Variants in PDZD4 observed in about 807,000 individuals in gnomAD.
PDZD4 encodes PDZ domain containing 4.
A neutral mutation model predicts 38.5 loss-of-function variants in PDZD4; 9 were observed. That is an observed-to-expected ratio of 0.23 (90% CI 0.14 to 0.41). PDZD4 has a LOEUF of 0.41. PDZD4 is among the 10% of genes least tolerant of loss of function. PDZD4 has a pLI of 1.00. For missense variants in PDZD4, 612 were observed against 722.0 expected, an observed-to-expected ratio of 0.85 and a Z score of 1.75; for synonymous variants, 349 against 315.7, an observed-to-expected ratio of 1.11 and a Z score of -1.12.
Position 153,804,180 on chromosome X carries a change from C to T in PDZD4, c.1501G>A (p.Ala501Thr). Residue 501 changes from alanine (A) to threonine (T), a missense_variant, in exon 8 of 8, where the codon GCC becomes ACC. Ala to Thr is a moderately conservative substitution (Grantham distance 58, BLOSUM62 0). This residue lies in a region of PDZD4 where 300 missense variants were observed against 284.6 expected (regional missense o/e 1.05). Transcript: ENST00000393758. The stretch of plus-strand genomic sequence containing the variant: ...TTCAAGTTGGAGTTGCCGGCCATGG[C>T]CCGCCGCAGGGGGCTCTCGGGCAGG... ...EPLPESPLRRAMAGNSNLNRT... is the reference protein window; with the variant it reads ...EPLPESPLRRTMAGNSNLNRT... The T allele has an allele frequency of 8.4e-7, 1 of 1,187,400 alleles. No homozygotes were observed. Among genetic ancestry groups the T allele is most frequent in the Non-Finnish European group, 1.1e-6 (1 of 884,356 alleles).
rs782499455 is a variant in PDZD4, at chrX:153,804,192, G to C, written c.1489C>G (p.Pro497Ala). 5.9e-6 allele frequency: 7 copies of C among 1,196,316 alleles called. No individual in the cohort carries two copies. In the East Asian group the frequency reaches 2.1e-4, roughly 36 times the overall value. Residue 497 changes from proline to alanine, a missense_variant, in exon 8 of 8, where the codon CCC becomes GCC. Pro to Ala is a conservative substitution (Grantham distance 27). Coordinates refer to ENST00000393758, the MANE Select transcript of PDZD4 (RefSeq NM_001303512.2). ...PLLVEPLPES[P>A]LRRAMAGNSN... ...TTGCCGGCCATGGCCCGCCGCAGGGGGCTCTCGGGCAGGGGCTCCACAAGC... is the reference window on the plus strand; with the variant it reads ...TTGCCGGCCATGGCCCGCCGCAGGGCGCTCTCGGGCAGGGGCTCCACAAGC...
intron 1 of PDZD4, 73 bp downstream of exon 1, chrX:153,830,166 G>A: frequency 2.0e-6 from 2 of 1,002,793 alleles, no homozygotes; most frequent in Non-Finnish European, 1.3e-6. Context: ...CACGCCCGCC[G>A]CTCCGGGCCT....
chrX:153,807,111 C>T (rs782746543), intron 3 of PDZD4, among the ~76,000 whole-genome samples, 168 bp downstream of exon 3: 12 of 112,909 alleles, frequency 1.1e-4, no homozygotes, highest in African/African-American at 3.5e-4. Context: ...GTGCATGGGA[C>T]GTGGACTCAC....
At chrX:153,815,821 G>A (rs191713162) in intron 1 of PDZD4, among the ~76,000 whole-genome samples, 2,501 of 100,751 alleles carry the variant, frequency 0.025, 113 homozygotes, top group African/African-American at 0.089. Context: ...TAGGCTAGGC[G>A]GGCCTCAGGC....
intron 2 of PDZD4, 187 bp downstream of exon 2, chrX:153,808,155 A>G (rs1802735500): frequency 9.3e-7 from 1 of 1,072,942 alleles, no homozygotes; most frequent in East Asian, 3.4e-5. Context: ...GGTAGATACA[A>G]CGGGGCGCCT....
intron 1 of PDZD4, among the ~76,000 whole-genome samples, chrX:153,823,318 A>C (rs2064446430): frequency 9.1e-6 from 1 of 109,829 alleles, no homozygotes; most frequent in Admixed American, 9.7e-5. Context: ...TCCCGGGTTC[A>C]AGCAATTCTC....
rs147334518 is a variant in PDZD4, at chrX:153,804,574, G to C, written c.1107C>G (p.Ile369Met). 1.1e-4 allele frequency: 138 copies of C among 1,208,356 alleles called. No individual in the cohort carries two copies. The highest frequency in any genetic ancestry group is 1.5e-4 in the Non-Finnish European group (130 of 895,155). The change falls in exon 8 of 8, where the codon ATC becomes ATG. Residue 369 changes from isoleucine to methionine, a missense_variant. By Grantham distance (10) the Ile-to-Met change is conservative. This residue lies in a region of PDZD4 where 300 missense variants were observed against 284.6 expected (regional missense o/e 1.05). Coordinates refer to ENST00000393758, the MANE Select transcript of PDZD4 (RefSeq NM_001303512.2). ...GGTTGCCGTTCTCCAGGTGGCACTTGATCTCCAGGAGCTCACGGTAGCGCT... is the reference window on the plus strand; with the variant it reads ...GGTTGCCGTTCTCCAGGTGGCACTTCATCTCCAGGAGCTCACGGTAGCGCT... The part of the protein sequence containing the change: ...EYERYRELLE[I>M]KCHLENGNQL...
At chrX:153,806,632 C>A in intron 4 of PDZD4, 110 bp downstream of exon 4, 1 of 686,278 alleles carries the variant, frequency 1.5e-6, no homozygotes, top group South Asian at 2.4e-5. Context: ...CCACGCAGCA[C>A]CCTAGCTGTG....
At chrX:153,808,626 C>T in intron 1 of PDZD4, 31 bp from the exon 2 acceptor site, 1 of 1,121,503 alleles carries the variant, frequency 8.9e-7, no homozygotes, top group East Asian at 3.3e-5. Context: ...CGTAAGAACC[C>T]TCAAAGGCTT....
intron 1 of PDZD4, among the ~76,000 whole-genome samples, chrX:153,824,934 G>A (rs1054735202): frequency 1.6e-4 from 18 of 112,289 alleles, no homozygotes; most frequent in African/African-American, 5.2e-4. Context: ...GGAGGCGGAG[G>A]TTTTGGTGAG....
At chrX:153,825,429 A>T (rs1257599946) in intron 1 of PDZD4, among the ~76,000 whole-genome samples, 1 of 112,316 alleles carries the variant, frequency 8.9e-6, no homozygotes, top group Non-Finnish European at 1.9e-5. Flanking sequence ...CAGTGGAGGG[A>T]CATGGGCTGC....
At position 153,804,297 on chromosome X, in the gene PDZD4, T is replaced by C. The variant is rs1426095791; in HGVS notation, c.1384A>G (p.Ile462Val). 1 of 1,207,095 alleles carries C rather than the reference T, an allele frequency of 8.3e-7. No homozygotes were observed. Among genetic ancestry groups the C allele is most frequent in the Non-Finnish European group, 1.1e-6 (1 of 894,384 alleles). Reference sequence around the variant, plus strand: ...TCCGACTTCTCGGGCAGCTCGGAGATGTCGGACAGCTCGTGCTTCTTGGGC... The same window carrying C: ...TCCGACTTCTCGGGCAGCTCGGAGACGTCGGACAGCTCGTGCTTCTTGGGC... ...SEPKKHELSD[I>V]SELPEKSDKD... Residue 462 changes from isoleucine (I) to valine (V), a missense_variant, in exon 8 of 8, where the codon ATC becomes GTC. Ile to Val is a conservative substitution (Grantham distance 29, BLOSUM62 3). Coordinates refer to ENST00000393758, the MANE Select transcript of PDZD4 (RefSeq NM_001303512.2).
intron 6 of PDZD4, 72 bp downstream of exon 6, chrX:153,805,433 G>T: frequency 2.7e-6 from 2 of 727,427 alleles, no homozygotes; most frequent in Non-Finnish European, 4.0e-6. Context: ...CTGTGCCCTA[G>T]TCACGGCCAG....
At chrX:153,814,212 G>A (rs1557079335) in intron 1 of PDZD4, among the ~76,000 whole-genome samples, 1 of 111,463 alleles carries the variant, frequency 9.0e-6, no homozygotes, top group African/African-American at 3.3e-5. Context: ...GGAGGCTCAC[G>A]CCTGTAATCC....
At chrX:153,819,477 T>C (rs782054003) in intron 1 of PDZD4, among the ~76,000 whole-genome samples, 8 of 112,381 alleles carry the variant, frequency 7.1e-5, no homozygotes, top group African/African-American at 2.6e-4. Context: ...TGAAGCCACA[T>C]CACTTCCAGG....
intron 1 of PDZD4, chrX:153,829,796 G>C (rs2064522449): frequency 2.6e-6 from 2 of 756,349 alleles, no homozygotes; most frequent in South Asian, 6.7e-5. Context: ...GGGTGTCGGG[G>C]TGGGCACCCA....
At chrX:153,819,357 C>A (rs927036926) in intron 1 of PDZD4, among the ~76,000 whole-genome samples, 7 of 112,927 alleles carry the variant, frequency 6.2e-5, no homozygotes, top group African/African-American at 2.2e-4. Flanking sequence ...GAAGAGAGGC[C>A]GGAGAGGCTA....
chrX:153,824,152 C>G (rs2064456029), intron 1 of PDZD4, among the ~76,000 whole-genome samples: 1 of 111,658 alleles, frequency 9.0e-6, no homozygotes, highest in Admixed American at 9.5e-5. Context: ...TCTGCCCATC[C>G]CTGCAACCAC....
chrX:153,805,030 G>A, intron 7 of PDZD4, 67 bp downstream of exon 7: 1 of 1,135,163 alleles, frequency 8.8e-7, no homozygotes, highest in Admixed American at 2.2e-5. Flanking sequence ...ACCCTGCACA[G>A]CCTCAGCGCC....
Sources: allele counts gnomAD v4.1 joint callset (sites outside exome capture counted in the v4.1 genomes callset), GRCh38; gene constraint gnomAD v4.1.1; regional missense constraint gnomAD v4.1.1; transcripts MANE v1.5; gene names NCBI Gene and HGNC (gene_info 2026-07-23, HGNC 2026-07-21).